TANC2: variants seen among roughly 807,000 people sequenced by gnomAD.
The protein encoded by TANC2 is tetratricopeptide repeat, ankyrin repeat and coiled-coil containing 2, also known as protein TANC2.
TANC2 carries 26 observed loss-of-function variants against 210.5 expected under a neutral mutation model. That is an observed-to-expected ratio of 0.12 (90% confidence interval 0.09 to 0.17). The LOEUF (loss-of-function observed/expected upper bound fraction) is 0.17. Ranked by LOEUF, TANC2 falls within the 10% of genes least tolerant of loss-of-function variation. The pLI is 1.00. For synonymous variants in TANC2, 931 were observed against 967.1 expected, an observed-to-expected ratio of 0.96 and a Z score of 0.69; for missense variants, 2,129 against 2,608.9, an observed-to-expected ratio of 0.82 and a Z score of 4.01.
intron 14 of TANC2, among the ~76,000 whole-genome samples, chr17:63,358,376 A>AGAGAGAGAGAGTGTGTGTGT (rs1470682571): frequency 3.7e-5 from 3 of 80,940 alleles, no homozygotes; most frequent in African/African-American, 1.1e-4. Flanking sequence ...AGAGAGAGAG[A>AGAGAGAGAGAGTGTGTGTGT]GTATGTGTGT....
chr17:63,305,038 C>T (rs2044854097), intron 9 of TANC2, among the ~76,000 whole-genome samples: 1 of 152,218 alleles, frequency 6.6e-6, no homozygotes, highest in African/African-American at 2.4e-5. Flanking sequence ...TTCGCTGTTG[C>T]CCCTTCCCCA....
chr17:63,090,827 G>A (rs2144804768), intron 3 of TANC2, among the ~76,000 whole-genome samples: 1 of 152,320 alleles, frequency 6.6e-6, no homozygotes, highest in Middle Eastern at 3.4e-3. Context: ...CACACCAACA[G>A]TGTAAAAGTG....
intron 11 of TANC2, among the ~76,000 whole-genome samples, chr17:63,323,265 G>C (rs1378069406): frequency 6.6e-6 from 1 of 152,150 alleles, no homozygotes; most frequent in African/African-American, 2.4e-5. Flanking sequence ...TTCTTTGTAT[G>C]TCAGTAATTA....
At chr17:63,391,257 C>G (rs2047964294) in intron 17 of TANC2, 1 of 152,212 alleles carries the variant, frequency 6.6e-6, no homozygotes, top group African/African-American at 2.4e-5. Flanking sequence ...CTCTGCCAAA[C>G]CTGTCCTAAG....
rs768439807 is a variant in TANC2, at chr17:63,421,867, A to G, written c.6137A>G (p.Asn2046Ser). 9 of 1,613,966 alleles carry G rather than the reference A, an allele frequency of 5.6e-6. No individual in the cohort carries two copies. The highest frequency in any genetic ancestry group is 7.6e-6 in the Non-Finnish European group (9 of 1,179,864). Residue 2046 changes from asparagine (N) to serine (S), a missense_variant, in exon 28 of 28, where the codon AAC becomes AGC. Asn to Ser is a conservative substitution (Grantham distance 46, BLOSUM62 1). Transcript: ENST00000689528. This position sits in a 1 kb window ranked among gnomAD's most constrained non-coding sequence, Gnocchi z 6.9. ...CCTGTGGCTCAGGCATACCAGGACA[A>G]CCTGTACAGGCAGCTGTCCCGAGAC...
At chr17:63,255,559 G>T (rs368489302) in intron 8 of TANC2, among the ~76,000 whole-genome samples, 8 of 152,058 alleles carry the variant, frequency 5.3e-5, no homozygotes, top group African/African-American at 1.9e-4. Flanking sequence ...GTATGTTGAG[G>T]AATTTATCCA....
intron 4 of TANC2, among the ~76,000 whole-genome samples, chr17:63,116,179 T>C (rs2038243687): frequency 6.6e-6 from 1 of 152,208 alleles, no homozygotes; most frequent in Admixed American, 6.5e-5. Context: ...AACAATTTCA[T>C]ATAGAACTAC....
At position 63,034,075 on chromosome 17, in the gene TANC2, A is replaced by G. The variant is rs1375856681; in HGVS notation, c.67+24449A>G. On this transcript the variant is annotated intron_variant, in intron 2 of 27. Transcript: ENST00000689528. Reference sequence around the variant, plus strand: ...GCTATGAAGATGGTTACACTAAACAACAGATTTTCAATGTAGATGAAACAG... The same window carrying G: ...GCTATGAAGATGGTTACACTAAACAGCAGATTTTCAATGTAGATGAAACAG... Among the ~76,000 whole-genome samples the G allele has an allele frequency of 1.3e-5, 2 of 152,194 alleles. 1 individual carries two copies. Among genetic ancestry groups the G allele is most frequent in the African/African-American group, 4.8e-5 (2 of 41,448 alleles).
intron 3 of TANC2, among the ~76,000 whole-genome samples, chr17:63,081,122 T>A (rs1372616083): frequency 6.6e-6 from 1 of 152,146 alleles, no homozygotes; most frequent in African/African-American, 2.4e-5. Flanking sequence ...CTCTGAAATA[T>A]CTTTATTGCT....
intron 4 of TANC2, 113 bp from the exon 5 acceptor site, chr17:63,151,157 T>TTTC (rs758755322): frequency 2.9e-5 from 10 of 342,846 alleles, no homozygotes; most frequent in Non-Finnish European, 4.1e-5. Flanking sequence ...CCCCTCTATG[T>TTTC]TTCTCTCTTT....
intron 9 of TANC2, among the ~76,000 whole-genome samples, chr17:63,282,488 A>T (rs2044089149): frequency 6.6e-6 from 1 of 152,096 alleles, no homozygotes; most frequent in Admixed American, 6.6e-5. Flanking sequence ...TGCTATCAGA[A>T]ACCATCCACC....
chr17:63,283,619 A>G (rs150455372), intron 9 of TANC2, among the ~76,000 whole-genome samples: 2 of 152,128 alleles, frequency 1.3e-5, no homozygotes, highest in African/African-American at 4.8e-5. Context: ...CTTCCAACCT[A>G]TATAGTATAT....
chr17:63,150,493 A>G (rs1043430580), intron 4 of TANC2: 2 of 152,326 alleles, frequency 1.3e-5, no homozygotes, highest in Non-Finnish European at 2.9e-5. Context: ...TTCATGAGTT[A>G]TACTTTATTC....
At chr17:63,298,408 A>T (rs2044604509) in intron 9 of TANC2, among the ~76,000 whole-genome samples, 1 of 152,204 alleles carries the variant, frequency 6.6e-6, no homozygotes, top group South Asian at 2.1e-4. Context: ...ACATGAATGA[A>T]CCTTGAATTA....
At chr17:63,404,825 A>C (rs1357057882) in intron 19 of TANC2, among the ~76,000 whole-genome samples, 1 of 152,182 alleles carries the variant, frequency 6.6e-6, no homozygotes, top group South Asian at 2.1e-4. Context: ...AAGGAGAGGT[A>C]GACCAAAGCA....
chr17:63,029,115 G>T (rs2034666730), intron 2 of TANC2, among the ~76,000 whole-genome samples: 5 of 152,004 alleles, frequency 3.3e-5, no homozygotes, highest in African/African-American at 1.2e-4. Flanking sequence ...TTTATTAAAT[G>T]TTTATTATGC....
At chr17:63,396,902 G>A (rs1012622181) in intron 18 of TANC2, 6 of 151,884 alleles carry the variant, frequency 4.0e-5, no homozygotes, top group South Asian at 2.1e-4. Flanking sequence ...CCCAAACCTC[G>A]GCATCATCCA....
intron 7 of TANC2, among the ~76,000 whole-genome samples, chr17:63,208,314 GTCTAGGTCTTTTTCTGAGCTTTTAT>G (rs1285407130): frequency 6.6e-6 from 1 of 152,118 alleles, no homozygotes; most frequent in Admixed American, 6.5e-5. Flanking sequence ...AAGCATAAAT[GTCTAGGTCTTTTTCTGAGCTTTTAT>G]TCTAGGTCTT....
At chr17:63,138,592 C>T (rs1395281619) in intron 4 of TANC2, among the ~76,000 whole-genome samples, 2 of 152,112 alleles carry the variant, frequency 1.3e-5, no homozygotes, top group African/African-American at 4.8e-5. Context: ...TATTCTTCTT[C>T]TATCCTCTGA....
Sources: gnomAD v4.1 joint callset for allele counts (sites outside exome capture counted in the v4.1 genomes callset) on GRCh38, gnomAD v4.1.1 for gene constraint, Gnocchi (gnomAD v3.1) non-coding constraint, MANE v1.5 for transcripts, NCBI Gene and HGNC (gene_info 2026-07-23, HGNC 2026-07-21) for gene names.